Variants in IGSF9B observed in about 807,000 individuals in gnomAD.
IGSF9B encodes the protein protein turtle homolog B.
In IGSF9B, 48 loss-of-function variants were observed where a neutral mutation model predicts 143.7. The ratio of observed to expected loss-of-function variants is 0.33; its 90% CI spans 0.26 to 0.42. The LOEUF (loss-of-function observed/expected upper bound fraction) is 0.42. Among genes scored for constraint, IGSF9B ranks in the 20% least tolerant of loss-of-function variants. IGSF9B has a pLI of 1.00. For synonymous variants in IGSF9B, 903 were observed against 833.1 expected (o/e 1.08, Z -1.44); for missense variants, 1,706 against 1,980.0 (o/e 0.86, Z 2.63).
chr11:133,943,021 A>G (rs1356763454), intron 3 of IGSF9B, among the ~76,000 whole-genome samples: 2 of 152,188 alleles, frequency 1.3e-5, no homozygotes, highest in Non-Finnish European at 2.9e-5. Flanking sequence ...CTCAGACCCA[A>G]AAGGAACACA....
In IGSF9B at chr11:133,953,642, C is replaced by T. The variant is rs566256012; in HGVS notation, c.64+3049G>A. ...CAGAACCTCACTGTATTTGGGGACA[C>T]TGTAGTCAGGGATAATGTAACGACA... On this transcript the variant is annotated intron_variant, in intron 1 of 19. Transcript: ENST00000533871. This position sits in a 1 kb window ranked among gnomAD's most constrained non-coding sequence, Gnocchi z 4.2. Among the ~76,000 whole-genome samples, 1 of 152,350 alleles carries T rather than the reference C, an allele frequency of 6.6e-6. No homozygotes were observed. The highest frequency in any genetic ancestry group is 1.9e-4 in the East Asian group (1 of 5,180).
rs1040764931 is a variant in IGSF9B, at chr11:133,919,888, G to A, written c.3837C>T (p.Ala1279=). 1.3e-6 allele frequency: 2 copies of A among 1,583,162 alleles called. No individual in the cohort carries two copies. Among genetic ancestry groups the A allele is most frequent in the Non-Finnish European group, 1.7e-6 (2 of 1,163,670 alleles). ...CGGGTGGAGGGGAAGGGTAGCCGGT[G>A]GCCAGAGTGGTGAAGCCCATGGCGG... The part of the protein sequence containing the change: ...YRPAMGFTTL[A]TGYPSPPPGP... The change falls in exon 18 of 20, where the codon GCC becomes GCT. Residue 1279 remains alanine, a synonymous_variant. Coordinates refer to ENST00000533871, the MANE Select transcript of IGSF9B (RefSeq NM_001277285.4).
rs185407124 is a variant in IGSF9B, at chr11:133,924,788, A to G, written c.2119+32T>C. 7.5e-4 allele frequency: 1,183 copies of G among 1,571,382 alleles called. 6 individuals carry two copies. The African/African-American group carries it at 0.012, about 17-fold the overall frequency. Reference sequence around the variant, plus strand: ...ATGCAGCTCTGGGGCTTATGTCCCTATAGTTGCAAGAGCACCCTCAACCCA... The same window carrying G: ...ATGCAGCTCTGGGGCTTATGTCCCTGTAGTTGCAAGAGCACCCTCAACCCA... On this transcript the variant is annotated intron_variant, in intron 15 of 19. Transcript: ENST00000533871.
In IGSF9B at chr11:133,937,935, G is replaced by T. The variant is rs748221488; in HGVS notation, c.436C>A (p.Pro146Thr). 1.7e-5 allele frequency: 27 copies of T among 1,613,376 alleles called. No individual in the cohort carries two copies. Among genetic ancestry groups the T allele is most frequent in the Non-Finnish European group, 2.3e-5 (27 of 1,179,766 alleles). Residue 146 changes from proline (P) to threonine (T), a missense_variant, in exon 4 of 20, where the codon CCC becomes ACC. Around this residue, in one of 7 missense-constraint regions of IGSF9B, gnomAD observed 171 missense variants for 213.9 expected, o/e 0.80. Transcript: ENST00000533871. ...NAPPTFTETPPQYIEAKEGGS... is the reference protein window; with the variant it reads ...NAPPTFTETPTQYIEAKEGGS... ...CCCTCCTTGGCCTCGATGTACTGGG[G>T]GGGTGTTTCTGTAAAGGTGGGAGGG...
Position 133,913,411 on chromosome 11 carries a change from G to A in IGSF9B, c.3984-1404C>T, listed in dbSNP as rs1460512089. Among the ~76,000 whole-genome samples the A allele has an allele frequency of 6.6e-6, 1 of 152,170 alleles. No homozygotes were observed. Among genetic ancestry groups the A allele is most frequent in the Non-Finnish European group, 1.5e-5 (1 of 68,040 alleles). ...TGTTGGCAGCAAGGCGGGAAGAGGA[G>A]ACTTACACACTAATTGCAGATAAGC... On this transcript the variant is annotated intron_variant, in intron 18 of 19. Transcript: ENST00000533871. The surrounding 1 kb of genome is among the most constrained non-coding windows in gnomAD (Gnocchi z 4.6).
At chr11:133,919,306 G>A (rs1939461971) in intron 18 of IGSF9B, among the ~76,000 whole-genome samples, 1 of 152,172 alleles carries the variant, frequency 6.6e-6, no homozygotes, top group Non-Finnish European at 1.5e-5. Context: ...GTCCTGCTTA[G>A]CAAGCAGCAG....
In IGSF9B at chr11:133,919,160, C is replaced by T. The variant is rs1591710384; in HGVS notation, c.3983+582G>A. 2.4e-5 allele frequency: 10 copies of T among 419,808 alleles called. 1 individual carries two copies. Among genetic ancestry groups the T allele is most frequent in the Admixed American group, 2.0e-4 (8 of 40,042 alleles). The allele number at this position is 419,808 out of a possible 1,614,324, so 26.0% of individuals were successfully genotyped here. A position where few individuals can be genotyped will look rare whatever the true frequency, so the allele number is the denominator to read the frequency against. Reference sequence around the variant, plus strand: ...ACGTGTCCTGCACATGGTCACAAGGCCTGACCCTTTTCTCTGGGCCTCCAG... The same window carrying T: ...ACGTGTCCTGCACATGGTCACAAGGTCTGACCCTTTTCTCTGGGCCTCCAG... On this transcript the variant is annotated intron_variant, in intron 18 of 19. Transcript: ENST00000533871.
rs1404108281 is a variant in IGSF9B, at chr11:133,953,421, TACAC to T, written c.64+3266_64+3269del. Among the ~76,000 whole-genome samples the T allele has an allele frequency of 1.3e-5, 2 of 152,100 alleles. No individual in the cohort carries two copies. Among genetic ancestry groups the T allele is most frequent in the East Asian group, 3.9e-4 (2 of 5,172 alleles). On this transcript the variant is annotated intron_variant, in intron 1 of 19. Coordinates refer to ENST00000533871, the MANE Select transcript of IGSF9B (RefSeq NM_001277285.4). The surrounding 1 kb of genome is among the most constrained non-coding windows in gnomAD (Gnocchi z 4.2). ...GTCCCCAGCATGTGTGTGCTGAGGA[TACAC>T]ACACACATCCATCCAGCCACTGACC... is the stretch of plus-strand genomic sequence containing the variant.
intron 18 of IGSF9B, among the ~76,000 whole-genome samples, chr11:133,918,271 A>G (rs1036893228): frequency 7.1e-6 from 1 of 140,532 alleles, no homozygotes; most frequent in African/African-American, 2.6e-5. Flanking sequence ...TGAGCTGAGG[A>G]GAGGCTTGTC....
In IGSF9B at chr11:133,919,849, A is replaced by C; in HGVS notation, c.3876T>G (p.Ala1292=). 1 of 1,584,086 alleles carries C rather than the reference A, an allele frequency of 6.3e-7. No individual in the cohort carries two copies. Among genetic ancestry groups the C allele is most frequent in the Non-Finnish European group, 8.6e-7 (1 of 1,164,740 alleles). ...ACACGTCCAAGCTGTCCCCAGGCCC[A>C]GCAGGGGCGGGGCCGGGTGGAGGGG... The part of the protein sequence containing the change: ...YPSPPPGPAP[A]GPGDSLDVFG... The change falls in exon 18 of 20, where the codon GCT becomes GCG. Residue 1292 remains alanine, a synonymous_variant. Coordinates refer to ENST00000533871, the MANE Select transcript of IGSF9B (RefSeq NM_001277285.4).
chr11:133,914,169 C>G (rs186162477), intron 18 of IGSF9B, among the ~76,000 whole-genome samples: 1 of 152,280 alleles, frequency 6.6e-6, no homozygotes, highest in African/African-American at 2.4e-5. Context: ...ACAATAATTG[C>G]CTGTAATCTC....
At position 133,911,781 on chromosome 11, in the gene IGSF9B, G is replaced by T. The variant is rs1462392068; in HGVS notation, c.4105+105C>A. On this transcript the variant is annotated intron_variant, in intron 19 of 19. Coordinates refer to ENST00000533871, the MANE Select transcript of IGSF9B (RefSeq NM_001277285.4). ...CAATTCTAGAGAAAGCCCAAGGTTG[G>T]GGCCCTGAGCCCAATAACCCTCCTG... The T allele has an allele frequency of 3.7e-6, 4 of 1,094,254 alleles. No homozygotes were observed. In the African/African-American group the frequency reaches 4.9e-5, roughly 13 times the overall value. The allele number at this position is 1,094,254 out of a possible 1,614,324, so 67.8% of individuals were successfully genotyped here. A position where few individuals can be genotyped will look rare whatever the true frequency, so the allele number is the denominator to read the frequency against.
rs1939187270 is a variant in IGSF9B at position 133,904,704 on chromosome 11, G to A, written c.*4365C>T. 6.6e-6 allele frequency among the ~76,000 whole-genome samples: 1 copy of A among 152,026 alleles called. No individual in the cohort carries two copies. The highest frequency in any genetic ancestry group is 1.9e-4 in the East Asian group (1 of 5,162). On this transcript the variant is annotated 3_prime_UTR_variant, in exon 20 of 20. Coordinates refer to ENST00000533871, the MANE Select transcript of IGSF9B (RefSeq NM_001277285.4). ...TGACTCAAAGAGATGCTGAGGCTTG[G>A]TGTCCCCTGGGGTGGTCTCACCATC...
intron 15 of IGSF9B, 105 bp from the exon 16 acceptor site, chr11:133,922,835 A>C: frequency 8.8e-7 from 1 of 1,130,984 alleles, no homozygotes; most frequent in Non-Finnish European, 1.2e-6. Flanking sequence ...TAGAACAGAC[A>C]GTGTCAAGGC....
At position 133,909,082 on chromosome 11, in the gene IGSF9B, G is replaced by T; in HGVS notation, c.4301C>A (p.Ala1434Asp). ...AGTGGGGTGGAGTCACAGCAAAGTG[G>T]CATGTCCTGGGTCATCGTGGTCCAC... ...NSVDHDDPGHATLL is the reference protein window; with the variant it reads ...NSVDHDDPGHDTLL Residue 1434 changes from alanine (A) to aspartate (D), a missense_variant, in exon 20 of 20, where the codon GCC (alanine) becomes GAC (aspartate). Coordinates refer to ENST00000533871, the MANE Select transcript of IGSF9B (RefSeq NM_001277285.4). This position sits in a 1 kb window ranked among gnomAD's most constrained non-coding sequence, Gnocchi z 4.2. 1.3e-6 allele frequency: 2 copies of T among 1,535,746 alleles called. No individual in the cohort carries two copies. Among genetic ancestry groups the T allele is most frequent in the Non-Finnish European group, 1.7e-6 (2 of 1,146,576 alleles).
At position 133,920,933 on chromosome 11, in the gene IGSF9B, C is replaced by T. The variant is rs763829457; in HGVS notation, c.2792G>A (p.Arg931Gln). The change falls in exon 18 of 20, where the codon CGG becomes CAG. Residue 931 changes from arginine to glutamine, a missense_variant. By Grantham distance (43) the Arg-to-Gln change is conservative (BLOSUM62 1). Coordinates refer to ENST00000533871, the MANE Select transcript of IGSF9B (RefSeq NM_001277285.4). ...GCCCTCCAGCCCGCGGGGCTGGAAC[C>T]GAGGGCTGTATGCTGGTGGTGGCAG... ...SYLPPPAYSPRFQPRGLEGPG... is the reference protein window; with the variant it reads ...SYLPPPAYSPQFQPRGLEGPG... 33 of 1,610,178 alleles carry T rather than the reference C, an allele frequency of 2.0e-5. No homozygotes were observed. Among genetic ancestry groups the T allele is most frequent in the Admixed American group, 3.3e-5 (2 of 59,940 alleles).
Position 133,925,953 on chromosome 11 carries a change from G to T in IGSF9B, c.1820C>A (p.Thr607Lys), listed in dbSNP as rs1178788517. The change falls in exon 14 of 20, where the codon ACA (threonine) becomes AAA (lysine). Residue 607 changes from threonine (T) to lysine (K), a missense_variant. By Grantham distance (78) the Thr-to-Lys change is moderately conservative. Around this residue, in one of 7 missense-constraint regions of IGSF9B, gnomAD observed 267 missense variants for 321.1 expected, o/e 0.83. Transcript: ENST00000533871. ...GACCAGCACCAGGGGTTCTGGAGTT[G>T]TAATAGGGAATGCTGCGGCGGGGGA... ...VTVNTLAFPI[T>K]TPEPLVLVTP... The T allele has an allele frequency of 3.7e-6, 6 of 1,601,694 alleles. No individual in the cohort carries two copies. The East Asian group carries it at 9.0e-5, about 24-fold the overall frequency.
rs1306711692 is a variant in IGSF9B, at chr11:133,953,231, G to A, written c.64+3460C>T. On this transcript the variant is annotated intron_variant, in intron 1 of 19. Coordinates refer to ENST00000533871, the MANE Select transcript of IGSF9B (RefSeq NM_001277285.4). The surrounding 1 kb of genome is among the most constrained non-coding windows in gnomAD (Gnocchi z 4.2). ...CCTTCTGTCTCAGAGCCATAAACACGAAACCACTCAAGGTCTATCTAGGAC... is the reference window on the plus strand; with the variant it reads ...CCTTCTGTCTCAGAGCCATAAACACAAAACCACTCAAGGTCTATCTAGGAC... 2.0e-5 allele frequency among the ~76,000 whole-genome samples: 3 copies of A among 152,098 alleles called. No homozygotes were observed. Among genetic ancestry groups the A allele is most frequent in the South Asian group, 2.1e-4 (1 of 4,820 alleles).
intron 3 of IGSF9B, among the ~76,000 whole-genome samples, chr11:133,942,163 C>G (rs934362739): frequency 6.6e-6 from 1 of 152,032 alleles, no homozygotes; most frequent in Non-Finnish European, 1.5e-5. Flanking sequence ...TTTTTCCTCT[C>G]GAGAAGGAGG....
Sources: gnomAD v4.1 joint callset for allele counts (sites outside exome capture counted in the v4.1 genomes callset) on GRCh38, gnomAD v4.1.1 for gene constraint, gnomAD v4.1.1 regional missense constraint, Gnocchi (gnomAD v3.1) non-coding constraint, MANE v1.5 for transcripts, NCBI Gene and HGNC (gene_info 2026-07-23, HGNC 2026-07-21) for gene names.